The following TBC1D1 variants were observed in gnomAD, a reference collection of about 807,000 sequenced individuals.
TBC1D1 encodes the protein TBC1 domain family member 1, also known as TBC1 (tre-2/USP6, BUB2, cdc16) domain family, member 1.
A neutral mutation model predicts 125.6 loss-of-function variants in TBC1D1; 89 were observed. The observed-to-expected ratio is 0.71, with a 90% CI of 0.60 to 0.85. The LOEUF is 0.85. Ranked by LOEUF, TBC1D1 falls within the 40% of genes least tolerant of loss-of-function variation. The probability of loss-of-function intolerance (pLI) is 0.00; values close to 1 mark genes in which losing one functional copy is unlikely to be tolerated. For synonymous variants in TBC1D1, 565 were observed against 564.1 expected (o/e 1.00, Z -0.02); for missense variants, 1,377 against 1,469.2 (o/e 0.94, Z 1.03).
At chr4:38,038,367 C>G (rs1747633403) in intron 8 of TBC1D1, among the ~76,000 whole-genome samples, 1 of 152,086 alleles carries the variant, frequency 6.6e-6, no homozygotes, top group African/African-American at 2.4e-5. Context: ...CTCATATACC[C>G]ACCATCCAGA....
intron 2 of TBC1D1, among the ~76,000 whole-genome samples, chr4:37,993,933 A>G (rs994581360): frequency 6.6e-6 from 1 of 152,264 alleles, no homozygotes; most frequent in Non-Finnish European, 1.5e-5. Flanking sequence ...TGGCGAAGCC[A>G]GTCTTTATCT....
chr4:38,031,579 TG>T (rs1308483959), intron 7 of TBC1D1, among the ~76,000 whole-genome samples: 1 of 152,230 alleles, frequency 6.6e-6, no homozygotes, highest in Non-Finnish European at 1.5e-5. Context: ...CTCAACATTC[TG>T]GGATGCATCA....
intron 2 of TBC1D1, among the ~76,000 whole-genome samples, chr4:37,903,136 GT>G (rs1716464072): frequency 1.3e-5 from 2 of 152,280 alleles, no homozygotes; most frequent in South Asian, 4.1e-4. Flanking sequence ...GCGATCAGGG[GT>G]TCTTTGTGTT....
rs1306729068 is a variant in TBC1D1, at chr4:38,014,721, G to A, written c.630G>A (p.Glu210=). ...ACGTCAGCGGCAGCCGGGGGTCCGAGAGCCCCCGCCCCAACCCGCCCCATG... is the reference window on the plus strand; with the variant it reads ...ACGTCAGCGGCAGCCGGGGGTCCGAAAGCCCCCGCCCCAACCCGCCCCATG... Residue 210 remains glutamate, a synonymous_variant, in exon 3 of 20, where the codon GAG becomes GAA. Transcript: ENST00000261439. This position sits in a 1 kb window ranked among gnomAD's most constrained non-coding sequence, Gnocchi z 5.1. The A allele has an allele frequency of 1.5e-5, 24 of 1,612,150 alleles. No homozygotes were observed. Among genetic ancestry groups the A allele is most frequent in the Non-Finnish European group, 1.7e-5 (20 of 1,179,708 alleles).
intron 15 of TBC1D1, among the ~76,000 whole-genome samples, chr4:38,107,075 G>C (rs933440588): frequency 4.6e-5 from 7 of 151,580 alleles, no homozygotes; most frequent in African/African-American, 1.5e-4. Flanking sequence ...CACACTTCCC[G>C]AGGGCCTGAG....
chr4:37,966,368 T>C (rs1308976499), intron 2 of TBC1D1, among the ~76,000 whole-genome samples: 1 of 152,234 alleles, frequency 6.6e-6, no homozygotes, highest in Non-Finnish European at 1.5e-5. Flanking sequence ...TCTGTCCTGT[T>C]TGGAAAATTC....
rs180946325 is a variant in TBC1D1, at chr4:37,896,635, T to C, written c.-94+5287T>C. 2.5e-3 allele frequency among the ~76,000 whole-genome samples: 381 copies of C among 152,204 alleles called. 1 individual carries two copies. The highest frequency in any genetic ancestry group is 0.024 in the Middle Eastern group (7 of 294). ...AAGCTGAGTAACTTGCTTTTTCAAC[T>C]TCACACTTGAAAGTGTTTTCATGAG... On this transcript the variant is annotated intron_variant, in intron 1 of 19. Coordinates refer to ENST00000261439, the MANE Select transcript of TBC1D1 (RefSeq NM_015173.4).
intron 19 of TBC1D1, among the ~76,000 whole-genome samples, chr4:38,134,784 C>T (rs1037690501): frequency 6.6e-6 from 1 of 152,182 alleles, no homozygotes; most frequent in African/African-American, 2.4e-5. Context: ...TGCTTAGCTA[C>T]CTACATTCCT....
intron 7 of TBC1D1, among the ~76,000 whole-genome samples, chr4:38,035,378 C>T (rs916363397): frequency 2.6e-5 from 4 of 152,156 alleles, no homozygotes; most frequent in Non-Finnish European, 4.4e-5. Flanking sequence ...GATGGGAGGA[C>T]ATCAGAGATG....
intron 13 of TBC1D1, among the ~76,000 whole-genome samples, chr4:38,090,743 G>A (rs1218562527): frequency 2.6e-5 from 4 of 152,202 alleles, no homozygotes; most frequent in African/African-American, 9.7e-5. Flanking sequence ...TTTGGAAAGA[G>A]CATGAGTCTT....
intron 18 of TBC1D1, among the ~76,000 whole-genome samples, chr4:38,125,658 G>A (rs1764522558): frequency 1.3e-5 from 2 of 152,052 alleles, no homozygotes; most frequent in South Asian, 2.1e-4. Flanking sequence ...CATTACCTCT[G>A]GTTTCAGTAT....
intron 12 of TBC1D1, among the ~76,000 whole-genome samples, chr4:38,077,870 G>A (rs1465987957): frequency 1.3e-5 from 2 of 152,168 alleles, no homozygotes; most frequent in African/African-American, 4.8e-5. Flanking sequence ...GGTTGGTGCA[G>A]TGGAACTGGG....
chr4:37,908,479 TAC>T (rs1717839079), intron 2 of TBC1D1, among the ~76,000 whole-genome samples: 1 of 152,188 alleles, frequency 6.6e-6, no homozygotes, highest in African/African-American at 2.4e-5. Context: ...ATGTTGGGAT[TAC>T]AGACATGAGA....
intron 19 of TBC1D1, among the ~76,000 whole-genome samples, chr4:38,136,539 G>T (rs1417985379): frequency 6.6e-6 from 1 of 152,078 alleles, no homozygotes; most frequent in African/African-American, 2.4e-5. Context: ...ATGCAACTTA[G>T]GTTTTCTTGT....
At chr4:38,109,165 C>T (rs180978553) in intron 15 of TBC1D1, among the ~76,000 whole-genome samples, 29 of 152,316 alleles carry the variant, frequency 1.9e-4, no homozygotes, top group Admixed American at 4.6e-4. Context: ...TGTTATCTCA[C>T]GCACCTGTCT....
intron 8 of TBC1D1, among the ~76,000 whole-genome samples, chr4:38,041,110 C>T (rs1748277134): frequency 6.6e-6 from 1 of 152,160 alleles, no homozygotes; most frequent in African/African-American, 2.4e-5. Flanking sequence ...AGCTGAATGT[C>T]GCTTTTATGA....
At chr4:38,006,929 G>A in intron 2 of TBC1D1, 1 of 448,542 alleles carries the variant, frequency 2.2e-6, no homozygotes, top group Non-Finnish European at 4.5e-6. Flanking sequence ...CATGAGTGTG[G>A]AGTAAGTGTT....
rs780856728 is a variant in TBC1D1 at position 38,049,698 on chromosome 4, C to G, written c.1710C>G (p.Ser570=). 1 of 1,614,154 alleles carries G rather than the reference C, an allele frequency of 6.2e-7. No homozygotes were observed. Among genetic ancestry groups the G allele is most frequent in the Admixed American group, 1.7e-5 (1 of 60,022 alleles). ...TCCTCGGCTCCTCGGAGGACCTGTC[C>G]AGTGACTCGGAGAGTCATCTCCCAG... The change falls in exon 11 of 20, where the codon TCC becomes TCG. Residue 570 remains serine (S), a synonymous_variant. Transcript: ENST00000261439.
At chr4:37,997,738 G>A (rs1738120813) in intron 2 of TBC1D1, among the ~76,000 whole-genome samples, 1 of 151,396 alleles carries the variant, frequency 6.6e-6, no homozygotes, top group Non-Finnish European at 1.5e-5. Flanking sequence ...TCTTTTGCTG[G>A]AAATAAGTAG....
Sources: gnomAD v4.1 joint callset for allele counts (sites outside exome capture counted in the v4.1 genomes callset) on GRCh38, gnomAD v4.1.1 for gene constraint, Gnocchi (gnomAD v3.1) non-coding constraint, MANE v1.5 for transcripts, NCBI Gene and HGNC (gene_info 2026-07-23, HGNC 2026-07-21) for gene names.